ZDHHC7: variants seen among roughly 807,000 people sequenced by gnomAD.
ZDHHC7 encodes the protein palmitoyltransferase ZDHHC7.
A neutral mutation model predicts 34.1 loss-of-function variants in ZDHHC7; 12 were observed. That is an observed-to-expected ratio of 0.35 (90% CI 0.23 to 0.57). The LOEUF is 0.57. Ranked by LOEUF, ZDHHC7 falls within the 20% of genes least tolerant of loss-of-function variation. The probability of loss-of-function intolerance (pLI) is 0.84; values close to 1 mark genes in which losing one functional copy is unlikely to be tolerated. For synonymous variants in ZDHHC7, 185 were observed against 155.4 expected (o/e 1.19, Z -1.42); for missense variants, 388 against 402.7 (o/e 0.96, Z 0.31).
intron 2 of ZDHHC7, 143 bp from the exon 3 acceptor site, chr16:84,990,778 A>G: frequency 1.4e-6 from 1 of 700,710 alleles, no homozygotes; most frequent in South Asian, 1.9e-5. Flanking sequence ...AAACATAACT[A>G]AGATCTGAAT....
rs1346885219 is a variant in ZDHHC7, at chr16:84,974,793, C to T, written c.*1550G>A. The T allele has an allele frequency of 6.5e-6, 1 of 152,692 alleles. No homozygotes were observed. Among genetic ancestry groups the T allele is most frequent in the Non-Finnish European group, 1.5e-5 (1 of 68,064 alleles). 9.5% of individuals were successfully genotyped at this position (152,692 alleles called of 1,614,324 possible). ...CTTCTGCGGTGACCAAGTCCACTTC[C>T]AAACCCCCTGCAGGTTTGCTCGCTT... On this transcript the variant is annotated 3_prime_UTR_variant, in exon 8 of 8. Coordinates refer to ENST00000313732, the MANE Select transcript of ZDHHC7 (RefSeq NM_017740.3).
At chr16:84,998,853 A>C in intron 1 of ZDHHC7, among the ~76,000 whole-genome samples, 1 of 149,138 alleles carries the variant, frequency 6.7e-6, no homozygotes, top group Non-Finnish European at 1.5e-5. Flanking sequence ...TCTGGGGTTC[A>C]AGCAATTCTC....
chr16:85,027,596 C>T, the ZDHHC7 span, among the ~76,000 whole-genome samples: 4 of 152,012 alleles, frequency 2.6e-5, no homozygotes, highest in Admixed American at 6.5e-5. Flanking sequence ...TACCCGAGAG[C>T]GCTCCCACCG....
chr16:85,016,355 G>C (rs1255488376), upstream of ZDHHC7, among the ~76,000 whole-genome samples: 1 of 151,910 alleles, frequency 6.6e-6, no homozygotes, highest in Non-Finnish European at 1.5e-5. Flanking sequence ...GTCCTGAAAT[G>C]TTCTTTTATA....
In ZDHHC7 at chr16:84,994,667, A is replaced by G. The variant is rs551670802; in HGVS notation, c.-18+1255T>C. On this transcript the variant is annotated intron_variant, in intron 2 of 7. Transcript: ENST00000313732. ...ACCTGGGGGTGCGGATGGCAGGCAC[A>G]GCTGTGTAAGGAGAGCGCCCACAGA... Among the ~76,000 whole-genome samples the G allele has an allele frequency of 2.0e-5, 3 of 152,290 alleles. No individual in the cohort carries two copies. The South Asian group carries it at 6.2e-4, about 32-fold the overall frequency.
At chr16:84,998,380 C>T (rs562068420) in intron 1 of ZDHHC7, among the ~76,000 whole-genome samples, 1 of 152,220 alleles carries the variant, frequency 6.6e-6, no homozygotes, top group South Asian at 2.1e-4. Context: ...TGGTAGGTTT[C>T]GGCTCTGGCT....
chr16:84,986,050 C>T (rs1359752867), intron 3 of ZDHHC7, among the ~76,000 whole-genome samples: 1 of 151,436 alleles, frequency 6.6e-6, no homozygotes, highest in African/African-American at 2.4e-5. Flanking sequence ...CATGAGCTAC[C>T]GGTATTGAGG....
At chr16:84,996,081 T>C (rs72803510) in intron 1 of ZDHHC7, 74 bp from the exon 2 acceptor site, 1 of 152,350 alleles carries the variant, frequency 6.6e-6, no homozygotes, top group Non-Finnish European at 1.5e-5. Context: ...TCTTAGGGTA[T>C]GATTAATTTT....
At chr16:84,987,972 A>G (rs1290338785) in intron 3 of ZDHHC7, among the ~76,000 whole-genome samples, 1 of 152,180 alleles carries the variant, frequency 6.6e-6, no homozygotes, top group Non-Finnish European at 1.5e-5. Context: ...GATCGAGACC[A>G]TCCTGGCTAA....
the ZDHHC7 span, among the ~76,000 whole-genome samples, chr16:85,021,389 T>TC: frequency 9.2e-6 from 1 of 108,150 alleles, no homozygotes; most frequent in South Asian, 2.8e-4. Context: ...TCCAGCCTGG[T>TC]GACAGAGCGA....
At position 85,008,631 on chromosome 16, in the gene ZDHHC7, T is replaced by C. The variant is rs542533856; in HGVS notation, c.-104+2655A>G. ...ACAGTCCAGCTAAACTCTTCTCAGA[T>C]GTTACAACCGAAGGGTCACACAGCA... On this transcript the variant is annotated intron_variant, in intron 1 of 7. Coordinates refer to ENST00000313732, the MANE Select transcript of ZDHHC7 (RefSeq NM_017740.3). 5.3e-5 allele frequency among the ~76,000 whole-genome samples: 8 copies of C among 152,096 alleles called. No homozygotes were observed. In the South Asian group the frequency reaches 8.3e-4, roughly 16 times the overall value.
chr16:84,989,619 C>T (rs1006767677), intron 3 of ZDHHC7, among the ~76,000 whole-genome samples: 12 of 145,190 alleles, frequency 8.3e-5, no homozygotes, highest in African/African-American at 3.1e-4. Flanking sequence ...AGCTTGAACC[C>T]AGGAGGCAGA....
chr16:84,979,532 C>G (rs551218039), intron 4 of ZDHHC7, among the ~76,000 whole-genome samples: 1 of 152,288 alleles, frequency 6.6e-6, no homozygotes, highest in Admixed American at 6.5e-5. Context: ...CCATACTTCA[C>G]GAGTTCTCAG....
chr16:84,985,661 A>C (rs1300843008), intron 3 of ZDHHC7, among the ~76,000 whole-genome samples: 3 of 152,310 alleles, frequency 2.0e-5, no homozygotes, highest in East Asian at 3.9e-4. Context: ...AAATTATAAA[A>C]GAATTGAGAC....
At chr16:84,997,518 G>T (rs1420980472) in intron 1 of ZDHHC7, among the ~76,000 whole-genome samples, 1 of 149,732 alleles carries the variant, frequency 6.7e-6, no homozygotes, top group Non-Finnish European at 1.5e-5. Flanking sequence ...TGATCCGCCC[G>T]CCTCGGCCTC....
intron 1 of ZDHHC7, among the ~76,000 whole-genome samples, chr16:85,008,320 G>C (rs1186513962): frequency 6.6e-6 from 1 of 151,906 alleles, no homozygotes; most frequent in African/African-American, 2.4e-5. Context: ...AATAAAAACT[G>C]ACTACAAAGA....
chr16:84,992,529 A>G (rs1597548268), intron 2 of ZDHHC7, among the ~76,000 whole-genome samples: 1 of 152,296 alleles, frequency 6.6e-6, no homozygotes, highest in South Asian at 2.1e-4. Flanking sequence ...TGCTTCTTTG[A>G]TTGTACGCCC....
chr16:84,976,829 G>A (rs2072304765), intron 7 of ZDHHC7, among the ~76,000 whole-genome samples: 1 of 152,220 alleles, frequency 6.6e-6, no homozygotes, highest in African/African-American at 2.4e-5. Flanking sequence ...AGGCCCTAAA[G>A]GCAGTCAGTT....
intron 3 of ZDHHC7, among the ~76,000 whole-genome samples, chr16:84,989,809 C>G (rs142842000): frequency 1.3e-5 from 2 of 152,162 alleles, no homozygotes; most frequent in African/African-American, 4.8e-5. Context: ...TTGGGAGTCC[C>G]TATACCATGG....
Sources: gnomAD v4.1 joint callset for allele counts (sites outside exome capture counted in the v4.1 genomes callset) on GRCh38, gnomAD v4.1.1 for gene constraint, MANE v1.5 for transcripts, NCBI Gene and HGNC (gene_info 2026-07-23, HGNC 2026-07-21) for gene names.